Variants in COL4A4 observed in about 807,000 individuals in gnomAD.
COL4A4 encodes collagen type IV alpha 4 chain.
A neutral mutation model predicts 192.9 loss-of-function variants in COL4A4; 105 were observed. The observed-to-expected ratio is 0.54, with a 90% CI of 0.46 to 0.64. The LOEUF (loss-of-function observed/expected upper bound fraction) is 0.64. Ranked by LOEUF, COL4A4 falls within the 30% of genes least tolerant of loss-of-function variation. COL4A4 has a pLI of 0.00. For synonymous variants in COL4A4, 762 were observed against 769.9 expected, an observed-to-expected ratio of 0.99 and a Z score of 0.17; for missense variants, 1,967 against 2,169.3, an observed-to-expected ratio of 0.91 and a Z score of 1.85.
intron 4 of COL4A4, among the ~76,000 whole-genome samples, chr2:227,133,178 A>C (rs777309649): frequency 3.9e-5 from 6 of 152,178 alleles, no homozygotes; most frequent in Non-Finnish European, 8.8e-5. Flanking sequence ...ATTGAACTCC[A>C]CATGAGGAGA....
intron 4 of COL4A4, among the ~76,000 whole-genome samples, chr2:227,126,582 T>C (rs957304706): frequency 6.6e-6 from 1 of 152,228 alleles, no homozygotes; most frequent in Non-Finnish European, 1.5e-5. Flanking sequence ...TTCTCCTTTT[T>C]TACAACTGTG....
intron 4 of COL4A4, among the ~76,000 whole-genome samples, chr2:227,125,551 GA>G (rs1424377299): frequency 6.6e-6 from 1 of 151,970 alleles, no homozygotes; most frequent in Non-Finnish European, 1.5e-5. Flanking sequence ...GTAAAGCAGG[GA>G]ATGGTTATTT....
At chr2:227,158,787 G>A (rs1056931093) in intron 1 of COL4A4, among the ~76,000 whole-genome samples, 29 of 144,552 alleles carry the variant, frequency 2.0e-4, no homozygotes, top group African/African-American at 7.1e-4. Flanking sequence ...ATAAACATTA[G>A]GATGGCTAAA....
chr2:227,094,402 A>C (rs1041274560), intron 19 of COL4A4, 113 bp from the exon 20 acceptor site: 1 of 1,072,016 alleles, frequency 9.3e-7, no homozygotes, highest in African/African-American at 1.6e-5. Flanking sequence ...TTAAAGGGAA[A>C]GAGACGGAGC....
chr2:227,133,649 TG>T lies in COL4A4; in HGVS notation c.192+6511del, dbSNP rs199852375. ...GCTCACGCCTGTAATCCCAGCAGTT[TG>T]GGACGCTGAGGTTGGCAGATCACCT... On this transcript the variant is annotated intron_variant, in intron 4 of 47. Coordinates refer to ENST00000396625, the MANE Select transcript of COL4A4 (RefSeq NM_000092.5). Among the ~76,000 whole-genome samples the T allele has an allele frequency of 4.6e-3, 702 of 152,276 alleles. 1 individual carries two copies. Among genetic ancestry groups the T allele is most frequent in the South Asian group, 0.018 (88 of 4,826 alleles).
intron 35 of COL4A4, among the ~76,000 whole-genome samples, chr2:227,045,489 GC>G (rs1972298018): frequency 6.7e-6 from 1 of 149,332 alleles, no homozygotes; most frequent in Admixed American, 6.8e-5. Flanking sequence ...CTATGTCTAG[GC>G]CGGGCACAGT....
the COL4A4 span, among the ~76,000 whole-genome samples, chr2:226,968,065 CAT>C: frequency 6.6e-6 from 1 of 152,170 alleles, no homozygotes; most frequent in African/African-American, 2.4e-5. Flanking sequence ...TCTTGCATAA[CAT>C]AATTTAATTC....
At chr2:227,126,621 G>GT (rs933733214) in intron 4 of COL4A4, among the ~76,000 whole-genome samples, 7 of 152,188 alleles carry the variant, frequency 4.6e-5, no homozygotes, top group African/African-American at 1.2e-4. Context: ...ATTTAGTGCG[G>GT]TTTTTTTGTA....
intron 35 of COL4A4, among the ~76,000 whole-genome samples, chr2:227,046,897 ATTAT>A (rs1972993399): frequency 6.6e-6 from 1 of 152,078 alleles, no homozygotes; most frequent in Non-Finnish European, 1.5e-5. Context: ...ATGTTAAATT[ATTAT>A]TGAGAAGCAA....
At chr2:227,065,476 C>T (rs1388673315) in intron 25 of COL4A4, among the ~76,000 whole-genome samples, 1 of 152,184 alleles carries the variant, frequency 6.6e-6, no homozygotes, top group Admixed American at 6.5e-5. Context: ...CTTAAATGTC[C>T]CTGTCTGACA....
At chr2:227,043,001 T>C (rs780161521) in intron 36 of COL4A4, 76 bp downstream of exon 36, 1 of 1,082,930 alleles carries the variant, frequency 9.2e-7, no homozygotes, top group Non-Finnish European at 1.4e-6. Context: ...TTAGGTCTAA[T>C]TAAAGACTGG....
At position 227,031,998 on chromosome 2, in the gene COL4A4, G is replaced by A. The variant is rs1340467301; in HGVS notation, c.3764C>T (p.Pro1255Leu). The A allele has an allele frequency of 1.2e-6, 2 of 1,614,046 alleles. No individual in the cohort carries two copies. Among genetic ancestry groups the A allele is most frequent in the East Asian group, 2.2e-5 (1 of 44,874 alleles). Residue 1255 changes from proline (P) to leucine (L), a missense_variant, in exon 40 of 48, where the codon CCT (proline) becomes CTT (leucine). Physicochemically the swap from Pro to Leu is moderately conservative, Grantham distance 98. Coordinates refer to ENST00000396625, the MANE Select transcript of COL4A4 (RefSeq NM_000092.5). ...CTGATCTCCAGGTGGACCCGGGTCA[G>A]GAATGTCCTTAGGAGCTCTTCCTGT... ...GATGRAPKDI[P>L]DPGPPGDQGP...
chr2:227,146,299 T>TA (rs1040457736), intron 2 of COL4A4, among the ~76,000 whole-genome samples: 36 of 151,120 alleles, frequency 2.4e-4, no homozygotes, highest in African/African-American at 8.3e-4. Flanking sequence ...TTTTTTTCTT[T>TA]AAAAAAAAAT....
At chr2:227,150,904 C>CTT (rs113668248) in intron 1 of COL4A4, among the ~76,000 whole-genome samples, 56 of 148,880 alleles carry the variant, frequency 3.8e-4, no homozygotes, top group Admixed American at 1.9e-3. Flanking sequence ...ATCAGCCCTC[C>CTT]TTTTTTTTTT....
At chr2:226,996,895 CAG>C in the COL4A4 span, 3 of 152,094 alleles carry the variant, frequency 2.0e-5, no homozygotes, top group Admixed American at 6.6e-5. Flanking sequence ...ACAATATAAA[CAG>C]AAATACAAAT....
chr2:226,987,935 AC>A, the COL4A4 span, among the ~76,000 whole-genome samples: 2 of 152,114 alleles, frequency 1.3e-5, no homozygotes, highest in African/African-American at 4.8e-5. Flanking sequence ...CAGATTAAGG[AC>A]CACTGCAGCA....
chr2:227,129,929 T>C (rs567117761), intron 4 of COL4A4, among the ~76,000 whole-genome samples: 75 of 152,322 alleles, frequency 4.9e-4, no homozygotes, highest in African/African-American at 1.8e-3. Context: ...ATCATTCCTT[T>C]CTTTTCTAAT....
At chr2:227,092,647 G>C (rs898017891) in intron 20 of COL4A4, among the ~76,000 whole-genome samples, 1 of 152,122 alleles carries the variant, frequency 6.6e-6, no homozygotes, top group African/African-American at 2.4e-5. Flanking sequence ...AACAGACAAA[G>C]GAAACAAGAC....
In COL4A4 at chr2:227,032,347, A is replaced by T. The variant is rs573286340; in HGVS notation, c.3578-71T>A. 1.4e-5 allele frequency: 22 copies of T among 1,539,326 alleles called. 1 individual carries two copies. The South Asian group carries it at 2.3e-4, about 16-fold the overall frequency. ...TCCCTGTTATAGTGCCTGAAAAGGAACCACTTCCCAATAGCGGCAGAGGAG... is the reference window on the plus strand; with the variant it reads ...TCCCTGTTATAGTGCCTGAAAAGGATCCACTTCCCAATAGCGGCAGAGGAG... On this transcript the variant is annotated intron_variant, in intron 38 of 47. Transcript: ENST00000396625.
Sources: allele counts gnomAD v4.1 joint callset (sites outside exome capture counted in the v4.1 genomes callset), GRCh38; gene constraint gnomAD v4.1.1; transcripts MANE v1.5; gene names NCBI Gene and HGNC (gene_info 2026-07-23, HGNC 2026-07-21).